The following GALNT13 variants were observed in gnomAD, a reference collection of about 807,000 sequenced individuals.
GALNT13 encodes the protein UDP-GalNAc:polypeptide N-acetylgalactosaminyltransferase 13.
GALNT13 carries 28 observed loss-of-function variants against 64.2 expected under a neutral mutation model. The ratio of observed to expected loss-of-function variants is 0.44; its 90% CI spans 0.32 to 0.60. The LOEUF is 0.60. Among genes scored for constraint, GALNT13 ranks in the 20% least tolerant of loss-of-function variants. The pLI, the probability that GALNT13 is intolerant of heterozygous loss-of-function variation, is 0.05. For synonymous variants in GALNT13, 214 were observed against 224.6 expected (o/e 0.95, Z 0.42); for missense variants, 577 against 669.8 (o/e 0.86, Z 1.53).
the GALNT13 span, among the ~76,000 whole-genome samples, chr2:153,548,128 T>C: frequency 5.3e-5 from 8 of 152,212 alleles, no homozygotes; most frequent in Non-Finnish European, 8.8e-5. Context: ...GTTTGCTATA[T>C]GGCATTGCCT....
chr2:153,753,608 C>A, the GALNT13 span, among the ~76,000 whole-genome samples: 1 of 152,274 alleles, frequency 6.6e-6, no homozygotes, highest in Admixed American at 6.5e-5. Context: ...GTCTCTCCCT[C>A]TCCCTCTGTT....
At chr2:153,200,569 T>C in the GALNT13 span, among the ~76,000 whole-genome samples, 8 of 152,214 alleles carry the variant, frequency 5.3e-5, no homozygotes, top group Non-Finnish European at 1.0e-4. Context: ...GAATTCGCTT[T>C]TATTTATCAC....
At chr2:153,179,979 A>G in the GALNT13 span, among the ~76,000 whole-genome samples, 1 of 152,158 alleles carries the variant, frequency 6.6e-6, no homozygotes, top group Admixed American at 6.5e-5. Context: ...GCAAACAGCA[A>G]CAATTTCATT....
chr2:153,593,690 A>T, the GALNT13 span, among the ~76,000 whole-genome samples: 725 of 152,246 alleles, frequency 4.8e-3, 4 homozygotes, highest in African/African-American at 0.017. Flanking sequence ...GAGGAATCAC[A>T]TCTCTTTTTC....
the GALNT13 span, among the ~76,000 whole-genome samples, chr2:153,242,020 G>A: frequency 1.3e-5 from 2 of 152,082 alleles, no homozygotes; most frequent in African/African-American, 2.4e-5. Context: ...GATACTTGTC[G>A]TGGTTTCACC....
At chr2:154,370,967 G>A (rs1328149764) in intron 9 of GALNT13, among the ~76,000 whole-genome samples, 1 of 152,036 alleles carries the variant, frequency 6.6e-6, no homozygotes, top group Non-Finnish European at 1.5e-5. Flanking sequence ...TGGCTATAAA[G>A]TTAGAAAACC....
intron 3 of GALNT13, among the ~76,000 whole-genome samples, chr2:154,053,752 A>G (rs1012352769): frequency 1.8e-4 from 27 of 152,310 alleles, no homozygotes; most frequent in African/African-American, 6.5e-4. Context: ...AATTTAAAGA[A>G]ACTTATAGTT....
At chr2:154,161,231 C>T (rs1416506163) in intron 4 of GALNT13, among the ~76,000 whole-genome samples, 1 of 152,154 alleles carries the variant, frequency 6.6e-6, no homozygotes, top group Non-Finnish European at 1.5e-5. Flanking sequence ...CTGCAGTGTT[C>T]TTGGTTCAAC....
At chr2:154,400,889 A>G (rs1699270784) in intron 10 of GALNT13, among the ~76,000 whole-genome samples, 2 of 152,000 alleles carry the variant, frequency 1.3e-5, no homozygotes, top group African/African-American at 4.8e-5. Context: ...ATTCTAAAAT[A>G]GAATGTCTCA....
the GALNT13 span, among the ~76,000 whole-genome samples, chr2:153,728,283 T>C: frequency 6.6e-6 from 1 of 152,356 alleles, no homozygotes; most frequent in African/African-American, 2.4e-5. Context: ...CTGAGTCAAA[T>C]GGTATTTCTG....
chr2:153,297,402 A>G, the GALNT13 span, among the ~76,000 whole-genome samples: 5 of 152,190 alleles, frequency 3.3e-5, no homozygotes, highest in Non-Finnish European at 4.4e-5. Flanking sequence ...AGTTACCTGA[A>G]CATTTATAAA....
chr2:154,412,028 CTT>C (rs1386587757), intron 11 of GALNT13, among the ~76,000 whole-genome samples: 1 of 151,714 alleles, frequency 6.6e-6, no homozygotes, highest in Non-Finnish European at 1.5e-5. Flanking sequence ...TAATTAGCCC[CTT>C]TACTTGTTAT....
At chr2:153,677,112 C>G in the GALNT13 span, among the ~76,000 whole-genome samples, 1 of 151,954 alleles carries the variant, frequency 6.6e-6, no homozygotes, top group Non-Finnish European at 1.5e-5. Context: ...CAATATAATT[C>G]TATACCTAGA....
the GALNT13 span, among the ~76,000 whole-genome samples, chr2:153,676,292 C>A: frequency 6.6e-6 from 1 of 151,986 alleles, no homozygotes; most frequent in African/African-American, 2.4e-5. Flanking sequence ...TGGAAATATA[C>A]AACCTCCCAA....
At chr2:154,020,607 G>T (rs938756732) in intron 3 of GALNT13, among the ~76,000 whole-genome samples, 1 of 151,932 alleles carries the variant, frequency 6.6e-6, no homozygotes, top group Non-Finnish European at 1.5e-5. Flanking sequence ...TCAGCCCTTT[G>T]TCAGATGAGT....
At chr2:154,043,378 T>C (rs1699093916) in intron 3 of GALNT13, among the ~76,000 whole-genome samples, 1 of 131,616 alleles carries the variant, frequency 7.6e-6, no homozygotes, top group Non-Finnish European at 1.6e-5. Context: ...ATCAACATTT[T>C]CAAAATCTCT....
the GALNT13 span, among the ~76,000 whole-genome samples, chr2:153,105,246 A>C: frequency 6.6e-5 from 10 of 152,216 alleles, no homozygotes; most frequent in South Asian, 2.1e-3. Context: ...GTAATCCAGC[A>C]TATAAACAGA....
intron 9 of GALNT13, among the ~76,000 whole-genome samples, chr2:154,366,360 A>T (rs1036681882): frequency 3.3e-5 from 5 of 152,182 alleles, no homozygotes; most frequent in Non-Finnish European, 7.3e-5. Flanking sequence ...AAATTTAAGG[A>T]TGTATATGTC....
At chr2:153,684,103 G>T in the GALNT13 span, among the ~76,000 whole-genome samples, 1 of 150,714 alleles carries the variant, frequency 6.6e-6, no homozygotes, top group Admixed American at 6.6e-5. Context: ...CCAGGCCATG[G>T]GAATAGTCAA....
Sources: allele counts gnomAD v4.1 joint callset (sites outside exome capture counted in the v4.1 genomes callset), GRCh38; gene constraint gnomAD v4.1.1; transcripts MANE v1.5; gene names NCBI Gene and HGNC (gene_info 2026-07-23, HGNC 2026-07-21).